USP32: variants seen among roughly 807,000 people sequenced by gnomAD.
The protein encoded by USP32 is ubiquitin specific peptidase 32, also known as ubiquitin carboxyl-terminal hydrolase 32.
USP32 carries 59 observed loss-of-function variants against 204.8 expected under a neutral mutation model. That is an observed-to-expected ratio of 0.29 (90% CI 0.23 to 0.36). The LOEUF is 0.36. USP32 is among the 10% of genes least tolerant of loss of function. USP32 has a pLI of 1.00. For missense variants in USP32, 1,160 were observed against 1,946.4 expected, an observed-to-expected ratio of 0.60 and a Z score of 7.60; for synonymous variants, 517 against 678.4, an observed-to-expected ratio of 0.76 and a Z score of 3.70.
chr17:60,334,226 G>T (rs555971514), intron 2 of USP32, among the ~76,000 whole-genome samples: 1 of 152,144 alleles, frequency 6.6e-6, no homozygotes, highest in African/African-American at 2.4e-5. Flanking sequence ...GTTTAATATT[G>T]CATTTTCTGT....
In USP32 at chr17:60,265,447, C is replaced by T. The variant is rs2086566027; in HGVS notation, c.955G>A (p.Val319Ile). 1.2e-6 allele frequency: 2 copies of T among 1,605,824 alleles called. No individual in the cohort carries two copies. Among genetic ancestry groups the T allele is most frequent in the Non-Finnish European group, 1.7e-6 (2 of 1,173,796 alleles). The change falls in exon 9 of 34, where the codon GTA becomes ATA. Residue 319 changes from valine (V) to isoleucine (I), a missense_variant. Physicochemically the swap from Val to Ile is conservative, Grantham distance 29. Transcript: ENST00000300896. ...TCATGTGCATTCAGTATGCCTTCTA[C>T]AATATCAGAGAGATCCATATGTAAT... ...PELHMDLSDI[V>I]EGILNAHDTT...
At chr17:60,281,801 T>C (rs2086973877) in intron 5 of USP32, among the ~76,000 whole-genome samples, 1 of 152,174 alleles carries the variant, frequency 6.6e-6, no homozygotes, top group African/African-American at 2.4e-5. Flanking sequence ...CAGTTCATGG[T>C]CCATCTACAT....
chr17:60,222,544 T>C lies in USP32; in HGVS notation c.1614A>G (p.Thr538=), dbSNP rs143414010. 1.9e-6 allele frequency: 3 copies of C among 1,613,566 alleles called. No homozygotes were observed. The Admixed American group carries it at 5.0e-5, about 27-fold the overall frequency. ...PLVTQEPVKA[T]SLTLEGGRLK... Reference sequence around the variant, plus strand: ...ATCGTCCTCCTTCTAGTGTTAATGATGTAGCCTGAGAAAGAATAGAATGAC... The same window carrying C: ...ATCGTCCTCCTTCTAGTGTTAATGACGTAGCCTGAGAAAGAATAGAATGAC... The change falls in exon 15 of 34, where the codon ACA becomes ACG. Residue 538 remains threonine, a synonymous_variant. Coordinates refer to ENST00000300896, the MANE Select transcript of USP32 (RefSeq NM_032582.4).
chr17:60,288,402 T>C (rs561220489), intron 5 of USP32, 121 bp downstream of exon 5: 2 of 1,216,166 alleles, frequency 1.6e-6, no homozygotes, highest in South Asian at 1.8e-5. Flanking sequence ...ATGGTGCCAC[T>C]GCACTCCAGC....
intron 2 of USP32, among the ~76,000 whole-genome samples, chr17:60,335,416 A>G (rs551492685): frequency 7.0e-6 from 1 of 143,194 alleles, no homozygotes; most frequent in South Asian, 2.1e-4. Flanking sequence ...ACAAAGTCCT[A>G]TCCAGTTCCT....
intron 26 of USP32, among the ~76,000 whole-genome samples, chr17:60,203,498 CT>C (rs949537621): frequency 9.9e-5 from 15 of 151,484 alleles, no homozygotes; most frequent in Admixed American, 7.9e-4. Flanking sequence ...AATACAGTAC[CT>C]TTTTTACAAT....
intron 21 of USP32, 124 bp from the exon 22 acceptor site, chr17:60,209,667 T>C (rs1410396992): frequency 9.8e-6 from 6 of 613,706 alleles, no homozygotes; most frequent in African/African-American, 1.9e-5. Context: ...TCTGCCTCTA[T>C]TTCAACAAAT....
At chr17:60,365,266 G>T (rs1167297405) in intron 1 of USP32, among the ~76,000 whole-genome samples, 1 of 152,026 alleles carries the variant, frequency 6.6e-6, no homozygotes, top group Non-Finnish European at 1.5e-5. Context: ...GGATCATGAG[G>T]TTAGGAGTTA....
intron 2 of USP32, among the ~76,000 whole-genome samples, chr17:60,323,173 T>A (rs1469446351): frequency 6.6e-6 from 1 of 152,006 alleles, no homozygotes; most frequent in Non-Finnish European, 1.5e-5. Flanking sequence ...GAAATATATA[T>A]CCACGCAAAG....
At chr17:60,184,991 G>A (rs944242911) in intron 30 of USP32, among the ~76,000 whole-genome samples, 1 of 152,152 alleles carries the variant, frequency 6.6e-6, no homozygotes, top group Non-Finnish European at 1.5e-5. Flanking sequence ...AGAACACACA[G>A]GCCCTAGTGC....
At chr17:60,402,738 T>C (rs1014046230) in intron 1 of USP32, among the ~76,000 whole-genome samples, 1 of 152,202 alleles carries the variant, frequency 6.6e-6, no homozygotes, top group African/African-American at 2.4e-5. Context: ...CTTATGAAAC[T>C]GCAATGAGCA....
At chr17:60,412,665 A>G (rs1001179917) in intron 1 of USP32, among the ~76,000 whole-genome samples, 28 of 152,076 alleles carry the variant, frequency 1.8e-4, no homozygotes, top group Admixed American at 1.3e-4. Context: ...TCTGGGCCTG[A>G]AGGGAGGGAG....
At chr17:60,334,675 A>G (rs113078960) in intron 2 of USP32, among the ~76,000 whole-genome samples, 14,761 of 141,822 alleles carry the variant, frequency 0.1, 5,163 homozygotes, top group African/African-American at 0.43. Context: ...CTGGGCAACA[A>G]AGCGAGACTC....
chr17:60,419,727 C>A (rs1246656687), intron 1 of USP32, among the ~76,000 whole-genome samples: 2 of 139,814 alleles, frequency 1.4e-5, no homozygotes, highest in African/African-American at 5.3e-5. Context: ...AGCGAGACAC[C>A]ATCTCAAAAA....
chr17:60,251,633 G>A (rs1351942573), intron 11 of USP32, among the ~76,000 whole-genome samples: 3 of 152,128 alleles, frequency 2.0e-5, no homozygotes, highest in Non-Finnish European at 4.4e-5. Context: ...ACAAAGCAAT[G>A]AAAGACACTC....
At chr17:60,213,072 G>T (rs1214833104) in intron 18 of USP32, among the ~76,000 whole-genome samples, 8 of 152,134 alleles carry the variant, frequency 5.3e-5, no homozygotes, top group Non-Finnish European at 8.8e-5. Context: ...TAATACAAAG[G>T]CAGCTAACAA....
At chr17:60,262,736 A>T (rs956910328) in intron 9 of USP32, among the ~76,000 whole-genome samples, 1 of 152,176 alleles carries the variant, frequency 6.6e-6, no homozygotes, top group Non-Finnish European at 1.5e-5. Context: ...CTAGGACTAC[A>T]CAGGATGTTT....
chr17:60,404,995 GGT>G (rs2089964334), intron 1 of USP32, among the ~76,000 whole-genome samples: 1 of 151,978 alleles, frequency 6.6e-6, no homozygotes, highest in Non-Finnish European at 1.5e-5. Context: ...TGGCCAACTT[GGT>G]GAAACCCTCG....
intron 31 of USP32, 95 bp downstream of exon 31, chr17:60,183,070 C>T (rs1286053414): frequency 2.0e-6 from 3 of 1,479,124 alleles, no homozygotes; most frequent in Non-Finnish European, 2.7e-6. Flanking sequence ...TTCTTTCCAC[C>T]CAACCAACCT....
Sources: allele counts gnomAD v4.1 joint callset (sites outside exome capture counted in the v4.1 genomes callset), GRCh38; gene constraint gnomAD v4.1.1; transcripts MANE v1.5; gene names NCBI Gene and HGNC (gene_info 2026-07-23, HGNC 2026-07-21).